ELP4: variants seen among roughly 807,000 people sequenced by gnomAD.
ELP4 encodes the protein elongator acetyltransferase complex subunit 4, also known as elongator complex protein 4.
In ELP4, 51 loss-of-function variants were observed where a neutral mutation model predicts 48.9. The observed-to-expected ratio is 1.04, with a 90% CI of 0.83 to 1.32. The LOEUF (loss-of-function observed/expected upper bound fraction) is 1.32. Ranked by LOEUF, ELP4 falls within the 40% of genes most tolerant of loss-of-function variation. The pLI, the probability that ELP4 is intolerant of heterozygous loss-of-function variation, is 0.00. For synonymous variants in ELP4, 210 were observed against 189.2 expected (o/e 1.11, Z -0.90); for missense variants, 519 against 514.6 (o/e 1.01, Z -0.08).
At chr11:31,569,494 T>TA (rs1957161977) in intron 3 of ELP4, among the ~76,000 whole-genome samples, 1 of 152,132 alleles carries the variant, frequency 6.6e-6, no homozygotes, top group African/African-American at 2.4e-5. Flanking sequence ...CTGACACCTG[T>TA]AAACCCAGCA....
chr11:31,623,650 G>C (rs1944674782), intron 5 of ELP4, among the ~76,000 whole-genome samples: 1 of 150,000 alleles, frequency 6.7e-6, no homozygotes, highest in Admixed American at 6.7e-5. Flanking sequence ...TGATTGACTT[G>C]TTTTATGTCA....
chr11:31,524,800 A>G (rs1323351801), intron 2 of ELP4, among the ~76,000 whole-genome samples: 2 of 152,112 alleles, frequency 1.3e-5, no homozygotes, highest in Non-Finnish European at 2.9e-5. Flanking sequence ...CCTGGGCAAC[A>G]TGGCAAAACC....
intron 3 of ELP4, among the ~76,000 whole-genome samples, chr11:31,583,389 A>G (rs1957422352): frequency 6.6e-6 from 1 of 152,188 alleles, no homozygotes; most frequent in Non-Finnish European, 1.5e-5. Context: ...TTGGATTGCA[A>G]ACAACCTAAA....
In ELP4 at chr11:31,782,530, G is replaced by A. The variant is rs985928185; in HGVS notation, c.1144-863G>A. On this transcript the variant is annotated intron_variant, in intron 9 of 9. Coordinates refer to ENST00000640961, the MANE Select transcript of ELP4 (RefSeq NM_019040.5). ...AATAAATTTTGCGAGCTGGGAGCAC[G>A]GAGAGTTAAATGAATTTGATATTCT... 2.6e-5 allele frequency among the ~76,000 whole-genome samples: 4 copies of A among 152,304 alleles called. No homozygotes were observed. The East Asian group carries it at 5.8e-4, about 22-fold the overall frequency.
intron 9 of ELP4, among the ~76,000 whole-genome samples, chr11:31,690,670 T>C (rs1233682097): frequency 6.6e-6 from 1 of 151,926 alleles, no homozygotes; most frequent in Admixed American, 6.6e-5. Flanking sequence ...TTAAAGAAAA[T>C]GTTGGCCCTG....
At chr11:31,627,899 CAG>C (rs1944780852) in intron 6 of ELP4, among the ~76,000 whole-genome samples, 1 of 152,054 alleles carries the variant, frequency 6.6e-6, no homozygotes, top group Non-Finnish European at 1.5e-5. Context: ...TTGAAGAAGA[CAG>C]AGAAGCTGAA....
At chr11:31,622,541 A>G (rs1944646705) in intron 5 of ELP4, among the ~76,000 whole-genome samples, 1 of 151,454 alleles carries the variant, frequency 6.6e-6, no homozygotes, top group South Asian at 2.1e-4. Context: ...ACTACATCTG[A>G]TTCTTTTTTT....
In ELP4 at chr11:31,788,821, A is replaced by G. The variant is rs770219222; in HGVS notation, c.*5297A>G. On this transcript the variant is annotated 3_prime_UTR_variant, in exon 10 of 10. Coordinates refer to ENST00000640961, the MANE Select transcript of ELP4 (RefSeq NM_019040.5). ...CTATAAGGATTATTTTTTAAGGATC[A>G]TCAGGATGTAAAACAGAGTGTGTGT... 7 of 205,490 alleles carry G rather than the reference A, an allele frequency of 3.4e-5. No homozygotes were observed. Among genetic ancestry groups the G allele is most frequent in the Non-Finnish European group, 7.0e-5 (7 of 100,160 alleles). The allele number at this position is 205,490 out of a possible 1,614,324, so 12.7% of individuals were successfully genotyped here.
At chr11:31,707,098 G>A (rs1332650512) in intron 9 of ELP4, 2 of 397,694 alleles carry the variant, frequency 5.0e-6, no homozygotes, top group Non-Finnish European at 8.9e-6. Context: ...GAAATTCCCA[G>A]TAGTGGGATT....
intron 3 of ELP4, among the ~76,000 whole-genome samples, chr11:31,567,974 CTCT>C (rs1471462946): frequency 1.3e-5 from 2 of 152,158 alleles, no homozygotes; most frequent in Non-Finnish European, 2.9e-5. Context: ...CATCAATTGA[CTCT>C]TCTTCTTATT....
chr11:31,775,523 T>C (rs1459016388), intron 9 of ELP4, among the ~76,000 whole-genome samples: 1 of 152,140 alleles, frequency 6.6e-6, no homozygotes, highest in South Asian at 2.1e-4. Context: ...AGGTTATGAG[T>C]ACCCAGAGCA....
intron 9 of ELP4, among the ~76,000 whole-genome samples, chr11:31,729,099 G>A (rs1947133412): frequency 1.3e-5 from 2 of 152,098 alleles, no homozygotes; most frequent in Admixed American, 6.5e-5. Flanking sequence ...AAATCCAAAA[G>A]AAAGGTTTTA....
intron 9 of ELP4, among the ~76,000 whole-genome samples, chr11:31,732,483 A>AT (rs1947214281): frequency 6.6e-6 from 1 of 151,656 alleles, no homozygotes; most frequent in African/African-American, 2.4e-5. Context: ...AAAAAAAAAA[A>AT]TAAATGAAAA....
chr11:31,666,303 C>G (rs1945673264), intron 9 of ELP4, among the ~76,000 whole-genome samples: 1 of 152,036 alleles, frequency 6.6e-6, no homozygotes, highest in Non-Finnish European at 1.5e-5. Context: ...GCCACCACAC[C>G]CAGCCTTCAG....
At chr11:31,751,491 G>GA (rs563616338) in intron 9 of ELP4, among the ~76,000 whole-genome samples, 84 of 152,196 alleles carry the variant, frequency 5.5e-4, no homozygotes, top group South Asian at 1.5e-3. Flanking sequence ...CATATAGGGT[G>GA]AAAAAATGGC....
intron 4 of ELP4, 67 bp from the exon 5 acceptor site, chr11:31,603,701 T>C (rs1270343457): frequency 6.5e-7 from 1 of 1,535,708 alleles, no homozygotes; most frequent in African/African-American, 1.4e-5. Flanking sequence ...TTTTGCTGGA[T>C]GTAGGACAAA....
chr11:31,756,490 A>C (rs1289095970), intron 9 of ELP4, among the ~76,000 whole-genome samples: 1 of 152,066 alleles, frequency 6.6e-6, no homozygotes, highest in Non-Finnish European at 1.5e-5. Flanking sequence ...ATCTAACTCT[A>C]ACTTGCCTTT....
chr11:31,668,675 C>CGTGTGTGTGTGTGTGTGTGT (rs367795416), intron 9 of ELP4, among the ~76,000 whole-genome samples: 92 of 121,104 alleles, frequency 7.6e-4, no homozygotes, highest in Non-Finnish European at 1.0e-3. Flanking sequence ...CCTTTGGTAC[C>CGTGTGTGTGTGTGTGTGTGT]GTGTGTGTGT....
chr11:31,667,118 G>A (rs918477717), intron 9 of ELP4, among the ~76,000 whole-genome samples: 2 of 152,172 alleles, frequency 1.3e-5, no homozygotes, highest in African/African-American at 4.8e-5. Context: ...ATTATAAAAT[G>A]CAGTCTATTT....
Sources: gnomAD v4.1 joint callset for allele counts (sites outside exome capture counted in the v4.1 genomes callset) on GRCh38, gnomAD v4.1.1 for gene constraint, MANE v1.5 for transcripts, NCBI Gene and HGNC (gene_info 2026-07-23, HGNC 2026-07-21) for gene names.